The following ARPP21 variants were observed in gnomAD, a reference collection of about 807,000 sequenced individuals.
ARPP21 encodes cAMP-regulated phosphoprotein 21.
Under a neutral mutation model 113.2 loss-of-function variants are expected in ARPP21, and 69 were observed. That is an observed-to-expected ratio of 0.61 (90% CI 0.50 to 0.74). ARPP21 has a LOEUF of 0.74. Ranked by LOEUF, ARPP21 falls within the 30% of genes least tolerant of loss-of-function variation. The pLI, the probability that ARPP21 is intolerant of heterozygous loss-of-function variation, is 0.00. For synonymous variants in ARPP21, 368 were observed against 375.5 expected (o/e 0.98, Z 0.23); for missense variants, 1,070 against 1,037.4 (o/e 1.03, Z -0.43).
intron 9 of ARPP21, among the ~76,000 whole-genome samples, chr3:35,706,055 G>A (rs190727758): frequency 2.6e-4 from 39 of 152,260 alleles, no homozygotes; most frequent in African/African-American, 9.4e-4. Context: ...CATAATGAAC[G>A]CTGTAGGGAC....
At chr3:35,708,889 T>C in intron 10 of ARPP21, 80 bp from the exon 11 acceptor site, 1 of 898,652 alleles carries the variant, frequency 1.1e-6, no homozygotes, top group South Asian at 1.5e-5. Context: ...ACATTTATTA[T>C]TCTTAGCTGA....
At chr3:35,741,741 G>A (rs567363021) in intron 18 of ARPP21, among the ~76,000 whole-genome samples, 20 of 151,996 alleles carry the variant, frequency 1.3e-4, no homozygotes, top group African/African-American at 4.8e-4. Context: ...TGAGCTTTGG[G>A]GCTATTCTTA....
intron 19 of ARPP21, among the ~76,000 whole-genome samples, chr3:35,749,993 T>A (rs2151047036): frequency 6.6e-6 from 1 of 152,124 alleles, no homozygotes; most frequent in East Asian, 1.9e-4. Context: ...ATTGACCTTT[T>A]CCAAGAACTA....
In ARPP21 at chr3:35,690,144, T is replaced by G; in HGVS notation, c.545+4T>G. The G allele has an allele frequency of 7.2e-7, 1 of 1,391,880 alleles. No homozygotes were observed. 86.2% of individuals were successfully genotyped at this position (1,391,880 alleles called of 1,614,324 possible). ...TTGATTTCATTGCTGACAACAAGTA[T>G]GTTAAACTTCAATGCTGGTTAATTT... is the stretch of plus-strand genomic sequence containing the variant. On this transcript the variant is annotated splice_donor_region_variant and intron_variant, in intron 8 of 20. Transcript: ENST00000684406.
chr3:35,780,656 G>A (rs191148334), intron 19 of ARPP21, among the ~76,000 whole-genome samples: 21 of 152,148 alleles, frequency 1.4e-4, no homozygotes, highest in Admixed American at 7.2e-4. Context: ...AGAGATTCTC[G>A]AAGTGTGGTA....
chr3:35,750,610 C>T (rs1033269770), intron 19 of ARPP21, among the ~76,000 whole-genome samples: 16 of 152,020 alleles, frequency 1.1e-4, no homozygotes, highest in Middle Eastern at 3.4e-3. Flanking sequence ...TCAGGTATTC[C>T]GTATTTTTTC....
intron 18 of ARPP21, among the ~76,000 whole-genome samples, chr3:35,740,777 A>G (rs1346713058): frequency 6.6e-6 from 1 of 151,558 alleles, no homozygotes; most frequent in Non-Finnish European, 1.5e-5. Context: ...ATGTTTAATT[A>G]AAGATCTTTA....
At chr3:35,692,305 A>G (rs1012581778) in intron 9 of ARPP21, among the ~76,000 whole-genome samples, 1 of 151,686 alleles carries the variant, frequency 6.6e-6, no homozygotes, top group African/African-American at 2.4e-5. Context: ...TCATATTTGA[A>G]TAGTAGTAAA....
chr3:35,757,582 G>A (rs2095618537), intron 19 of ARPP21, among the ~76,000 whole-genome samples: 1 of 151,998 alleles, frequency 6.6e-6, no homozygotes, highest in South Asian at 2.1e-4. Flanking sequence ...TCCAAGTGGT[G>A]GTTTTTGTTA....
chr3:35,751,069 C>A (rs1428324496), intron 19 of ARPP21, among the ~76,000 whole-genome samples: 1 of 152,142 alleles, frequency 6.6e-6, no homozygotes, highest in Non-Finnish European at 1.5e-5. Flanking sequence ...GGTCTATATT[C>A]TTGAATGCCG....
chr3:35,699,222 A>G (rs1481755619), intron 9 of ARPP21, among the ~76,000 whole-genome samples: 1 of 151,602 alleles, frequency 6.6e-6, no homozygotes, highest in Non-Finnish European at 1.5e-5. Context: ...GTATTGTCCT[A>G]AATGTATAAT....
At chr3:35,774,331 A>G (rs538932378) in intron 19 of ARPP21, among the ~76,000 whole-genome samples, 36 of 152,160 alleles carry the variant, frequency 2.4e-4, no homozygotes, top group Non-Finnish European at 4.7e-4. Context: ...ATACTTTGGG[A>G]TGTCATATCA....
At chr3:35,640,586 G>T (rs1697708402) in intron 1 of ARPP21, among the ~76,000 whole-genome samples, 188 bp downstream of exon 1, 1 of 152,156 alleles carries the variant, frequency 6.6e-6, no homozygotes, top group South Asian at 2.1e-4. Flanking sequence ...GTCAAGGAGG[G>T]ATGGACGCTC....
chr3:35,756,066 G>A (rs1020518362), intron 19 of ARPP21, among the ~76,000 whole-genome samples: 1 of 151,918 alleles, frequency 6.6e-6, no homozygotes, highest in African/African-American at 2.4e-5. Context: ...AATCAGCATG[G>A]GCTCATTTTA....
rs1170847594 is a variant in ARPP21 at position 35,748,405 on chromosome 3, AAGG to A, written c.2137+4443_2137+4445del. 4.6e-5 allele frequency among the ~76,000 whole-genome samples: 7 copies of A among 150,912 alleles called. 1 individual carries two copies. The Middle Eastern group carries it at 0.01, about 223-fold the overall frequency. ...GAAAGAAAAAGAAAAGAAAGGGAGAAAGGAGAGAGAAAGAAAAGAGAAAGAAAG... is the reference window on the plus strand; with the variant it reads ...GAAAGAAAAAGAAAAGAAAGGGAGAAAGAGAGAAAGAAAAGAGAAAGAAAG... On this transcript the variant is annotated intron_variant, in intron 19 of 20. Transcript: ENST00000684406.
intron 1 of ARPP21, among the ~76,000 whole-genome samples, chr3:35,642,758 A>G (rs1698601306): frequency 6.6e-6 from 1 of 152,174 alleles, no homozygotes; most frequent in Admixed American, 6.5e-5. Context: ...CTAAGATACT[A>G]CAATAACCTG....
Position 35,702,017 on chromosome 3 carries a change from T to A in ARPP21, c.687-4957T>A, listed in dbSNP as rs1037380833. Among the ~76,000 whole-genome samples, 14 of 151,870 alleles carry A rather than the reference T, an allele frequency of 9.2e-5. No homozygotes were observed. In the South Asian group the frequency reaches 2.9e-3, roughly 31 times the overall value. On this transcript the variant is annotated intron_variant, in intron 9 of 20. Coordinates refer to ENST00000684406, the MANE Select transcript of ARPP21 (RefSeq NM_001385562.1). ...GCAAACCACTACTAAGTTGTTGAATTGGTTTTCTATCTTTTTAAGCTAATA... is the reference window on the plus strand; with the variant it reads ...GCAAACCACTACTAAGTTGTTGAATAGGTTTTCTATCTTTTTAAGCTAATA...
At chr3:35,764,703 T>A (rs1214004076) in intron 19 of ARPP21, among the ~76,000 whole-genome samples, 2 of 152,182 alleles carry the variant, frequency 1.3e-5, no homozygotes, top group African/African-American at 4.8e-5. Flanking sequence ...CAAGCCTAGA[T>A]AATGTTTTGT....
chr3:35,783,334 C>T lies in ARPP21; in HGVS notation c.2138-9048C>T, dbSNP rs552505679. Reference sequence around the variant, plus strand: ...TTGCTCATGTGTTTACCGATCATCTCTATATACTTGTTCTTTCTGTATTTA... The same window carrying T: ...TTGCTCATGTGTTTACCGATCATCTTTATATACTTGTTCTTTCTGTATTTA... On this transcript the variant is annotated intron_variant, in intron 19 of 20. Transcript: ENST00000684406. Among the ~76,000 whole-genome samples the T allele has an allele frequency of 2.6e-3, 399 of 152,236 alleles. 1 individual carries two copies. The highest frequency in any genetic ancestry group is 6.8e-3 in the Middle Eastern group (2 of 294).
Sources: gnomAD v4.1 joint callset for allele counts (sites outside exome capture counted in the v4.1 genomes callset) on GRCh38, gnomAD v4.1.1 for gene constraint, MANE v1.5 for transcripts, NCBI Gene and HGNC (gene_info 2026-07-23, HGNC 2026-07-21) for gene names.